The following ANKS1B variants were observed in gnomAD, a reference collection of about 807,000 sequenced individuals.
The protein encoded by ANKS1B is ankyrin repeat and sterile alpha motif domain-containing protein 1B.
In ANKS1B, 36 loss-of-function variants were observed where a neutral mutation model predicts 148.3. The ratio of observed to expected loss-of-function variants is 0.24; its 90% CI spans 0.19 to 0.32. ANKS1B has a LOEUF of 0.32. Among genes scored for constraint, ANKS1B ranks in the 10% least tolerant of loss-of-function variants. The pLI is 1.00. For missense variants in ANKS1B, 1,157 were observed against 1,542.6 expected (o/e 0.75, Z 4.19); for synonymous variants, 542 against 560.8 (o/e 0.97, Z 0.47).
chr12:99,488,865 A>T (rs1479924541), intron 10 of ANKS1B, among the ~76,000 whole-genome samples: 2 of 152,056 alleles, frequency 1.3e-5, no homozygotes, highest in Non-Finnish European at 2.9e-5. Context: ...ACTGGGCAGG[A>T]GAAAATAGGG....
intron 8 of ANKS1B, among the ~76,000 whole-genome samples, chr12:99,673,764 T>C (rs2098549137): frequency 6.6e-6 from 1 of 151,746 alleles, no homozygotes; most frequent in African/African-American, 2.4e-5. Context: ...TCATGAATAT[T>C]GAAATAAATT....
chr12:99,639,996 AC>A (rs1328233284), intron 9 of ANKS1B, among the ~76,000 whole-genome samples: 1 of 152,082 alleles, frequency 6.6e-6, no homozygotes, highest in African/African-American at 2.4e-5. Flanking sequence ...ACACAGTGAA[AC>A]CCCATCTCTA....
intron 17 of ANKS1B, among the ~76,000 whole-genome samples, chr12:98,962,930 G>A (rs934063589): frequency 3.3e-5 from 5 of 152,046 alleles, no homozygotes; most frequent in Admixed American, 6.6e-5. Context: ...CAAAACCTAC[G>A]GGATACAGCG....
chr12:99,316,540 T>TG (rs535894440), intron 12 of ANKS1B, among the ~76,000 whole-genome samples: 236 of 152,262 alleles, frequency 1.5e-3, no homozygotes, highest in African/African-American at 5.4e-3. Flanking sequence ...CTTGTAAATT[T>TG]TTAAGTTCTT....
chr12:99,652,015 TGC>T (rs1356258826), intron 9 of ANKS1B, among the ~76,000 whole-genome samples: 3 of 151,116 alleles, frequency 2.0e-5, no homozygotes, highest in Non-Finnish European at 4.4e-5. Flanking sequence ...TAATATATTT[TGC>T]AATGAAAATG....
intron 17 of ANKS1B, among the ~76,000 whole-genome samples, chr12:98,852,115 T>G (rs948006869): frequency 1.4e-5 from 2 of 147,360 alleles, no homozygotes; most frequent in Non-Finnish European, 3.0e-5. Flanking sequence ...ATATTGAGAA[T>G]GGGCTGCAGT....
rs77396460 is a variant in ANKS1B at position 99,567,052 on chromosome 12, T to C, written c.1273-62411A>G. Among the ~76,000 whole-genome samples the C allele has an allele frequency of 1.5e-3, 225 of 152,302 alleles. 5 individuals are homozygous for C. In the East Asian group the frequency reaches 0.04, roughly 27 times the overall value. On this transcript the variant is annotated intron_variant, in intron 9 of 26. Transcript: ENST00000683438. Reference sequence around the variant, plus strand: ...GGAGTCTGGGCCTGGCTCAGTCTTATGCTCAAAGCCTCCAAAGCTGCACTG... The same window carrying C: ...GGAGTCTGGGCCTGGCTCAGTCTTACGCTCAAAGCCTCCAAAGCTGCACTG...
At chr12:99,316,767 T>C (rs1222130106) in intron 12 of ANKS1B, among the ~76,000 whole-genome samples, 3 of 152,208 alleles carry the variant, frequency 2.0e-5, no homozygotes, top group Non-Finnish European at 4.4e-5. Context: ...TGAATGGTAT[T>C]GCCTAGGTTT....
intron 12 of ANKS1B, among the ~76,000 whole-genome samples, chr12:99,327,441 A>G (rs2152247938): frequency 7.4e-6 from 1 of 134,966 alleles, no homozygotes; most frequent in South Asian, 2.1e-4. Flanking sequence ...TAAATTATAT[A>G]TTATATATTA....
At chr12:98,925,494 T>C (rs1430961015) in intron 17 of ANKS1B, among the ~76,000 whole-genome samples, 4 of 152,196 alleles carry the variant, frequency 2.6e-5, no homozygotes, top group African/African-American at 4.8e-5. Context: ...CTGGCAAAAT[T>C]TGTCAAAATC....
intron 1 of ANKS1B, among the ~76,000 whole-genome samples, chr12:99,893,725 C>A (rs775510339): frequency 2.6e-5 from 4 of 152,098 alleles, no homozygotes; most frequent in African/African-American, 9.7e-5. Flanking sequence ...TATTTATAAG[C>A]GAGAACATGT....
At chr12:98,822,531 A>T in intron 19 of ANKS1B, among the ~76,000 whole-genome samples, 1 of 152,232 alleles carries the variant, frequency 6.6e-6, no homozygotes. Flanking sequence ...CACAAGGTCA[A>T]TTCCACTGAA....
At chr12:99,315,775 CTCA>C (rs2083963621) in intron 12 of ANKS1B, among the ~76,000 whole-genome samples, 1 of 152,020 alleles carries the variant, frequency 6.6e-6, no homozygotes, top group Non-Finnish European at 1.5e-5. Context: ...CACTCATTAA[CTCA>C]TCATTTACAT....
intron 17 of ANKS1B, among the ~76,000 whole-genome samples, chr12:98,919,632 T>C (rs1257154080): frequency 6.6e-6 from 1 of 152,186 alleles, no homozygotes; most frequent in African/African-American, 2.4e-5. Context: ...TTCAAAACTA[T>C]CTAATTAGAT....
intron 17 of ANKS1B, among the ~76,000 whole-genome samples, chr12:99,037,728 G>A (rs1298930801): frequency 6.6e-6 from 1 of 152,078 alleles, no homozygotes; most frequent in East Asian, 1.9e-4. Context: ...TTCCTTTAAG[G>A]TACTATCAGG....
At chr12:99,362,207 T>G (rs568032849) in intron 12 of ANKS1B, among the ~76,000 whole-genome samples, 106 of 152,070 alleles carry the variant, frequency 7.0e-4, no homozygotes, top group Non-Finnish European at 1.3e-3. Flanking sequence ...CAATTTTATC[T>G]ATACCTATAA....
chr12:99,536,433 A>G (rs984637821), intron 9 of ANKS1B, among the ~76,000 whole-genome samples: 1 of 152,196 alleles, frequency 6.6e-6, no homozygotes, highest in Non-Finnish European at 1.5e-5. Context: ...GTATTTTTCT[A>G]CAATCAAATT....
chr12:98,789,242 C>G lies in ANKS1B; in HGVS notation c.3343-7105G>C, dbSNP rs190409721. Among the ~76,000 whole-genome samples the G allele has an allele frequency of 3.9e-3, 592 of 152,186 alleles. 3 individuals are homozygous for G. Among genetic ancestry groups the G allele is most frequent in the African/African-American group, 0.013 (522 of 41,504 alleles). On this transcript the variant is annotated intron_variant, in intron 22 of 26. Transcript: ENST00000683438. ...CCTGTAATCCCAGCTACTCGGGAGG[C>G]TGAGGCAGGAGAATTGCTTGAACCT...
intron 8 of ANKS1B, among the ~76,000 whole-genome samples, chr12:99,746,833 C>T (rs1455122068): frequency 6.6e-6 from 1 of 152,080 alleles, no homozygotes; most frequent in Non-Finnish European, 1.5e-5. Flanking sequence ...AGTTGTATAA[C>T]ATGTAACATG....
Sources: gnomAD v4.1 joint callset for allele counts (sites outside exome capture counted in the v4.1 genomes callset) on GRCh38, gnomAD v4.1.1 for gene constraint, MANE v1.5 for transcripts, NCBI Gene and HGNC (gene_info 2026-07-23, HGNC 2026-07-21) for gene names.